ARHGEF33: variants seen among roughly 807,000 people sequenced by gnomAD.
The protein encoded by ARHGEF33 is DH and coiled-coil domain-containing protein ENSP00000381780.
In ARHGEF33, 72 loss-of-function variants were observed where a neutral mutation model predicts 101.9. The observed-to-expected ratio is 0.71, with a 90% confidence interval of 0.58 to 0.86. ARHGEF33 has a LOEUF of 0.86. ARHGEF33 is among the 40% of genes least tolerant of loss of function. The probability of loss-of-function intolerance (pLI) is 0.00; values close to 1 mark genes in which losing one functional copy is unlikely to be tolerated. For synonymous variants in ARHGEF33, 499 were observed against 442.5 expected, an observed-to-expected ratio of 1.13 and a Z score of -1.60; for missense variants, 1,169 against 1,111.3, an observed-to-expected ratio of 1.05 and a Z score of -0.74.
rs1194353045 is a variant in ARHGEF33 at position 38,917,136 on chromosome 2, G to A, written c.-85-2227G>A. ...AGACGGAGTCTCACTACGTCACCTA[G>A]GCTGGAGTGTAGTGGTGTGATCTCA... On this transcript the variant is annotated intron_variant, in intron 2 of 17. Coordinates refer to ENST00000409978, the MANE Select transcript of ARHGEF33 (RefSeq NM_001145451.5). Among the ~76,000 whole-genome samples, 5 of 121,020 alleles carry A rather than the reference G, an allele frequency of 4.1e-5. No homozygotes were observed. In the East Asian group the frequency reaches 1.3e-3, roughly 32 times the overall value. 79.4% of individuals were successfully genotyped at this position (121,020 alleles called of 152,430 possible).
In ARHGEF33 at chr2:38,960,839, G is replaced by C. The variant is rs543428671; in HGVS notation, c.2343+191G>C. ...CCCCGCGCCCTGCGAGCTGTAGGCT[G>C]CTGGGCCCTGGAAGGCGAGTGGCAG... On this transcript the variant is annotated intron_variant, in intron 16 of 17. Transcript: ENST00000409978. Among the ~76,000 whole-genome samples the C allele has an allele frequency of 6.6e-5, 10 of 152,292 alleles. 1 individual carries two copies. The South Asian group carries it at 1.9e-3, about 28-fold the overall frequency.
intron 14 of ARHGEF33, among the ~76,000 whole-genome samples, chr2:38,957,265 G>A (rs1179032890): frequency 6.6e-6 from 1 of 152,164 alleles, no homozygotes; most frequent in Non-Finnish European, 1.5e-5. Context: ...TCACTCTACT[G>A]CTTACATAGA....
Position 38,960,633 on chromosome 2 carries a change from T to G in ARHGEF33, c.2328T>G (p.Tyr776Ter). 3 of 1,409,570 alleles carry G rather than the reference T, an allele frequency of 2.1e-6. No homozygotes were observed. The highest frequency in any genetic ancestry group is 3.8e-5 in the East Asian group (1 of 26,314). The allele number at this position is 1,409,570 out of a possible 1,614,324, so 87.3% of individuals were successfully genotyped here. ...GGTCCCAAAGCGAAAAACAGACCTA[T>G]TTGGAAGTAAGGAGGGTAAAGTAAA... is the stretch of plus-strand genomic sequence containing the variant. ...QQRSQSEKQT[Y>*]LEVRREMHLE... The change falls in exon 16 of 18, where the codon TAT becomes TAG. Residue 776 changes from tyrosine to a stop codon, truncating the protein, a stop_gained. Transcript: ENST00000409978. LOFTEE classifies it high-confidence loss of function.
At chr2:38,919,662 G>T (rs1477090852) in intron 3 of ARHGEF33, among the ~76,000 whole-genome samples, 190 bp downstream of exon 3, 1 of 152,208 alleles carries the variant, frequency 6.6e-6, no homozygotes, top group South Asian at 2.1e-4. Flanking sequence ...TTTGGTCTGT[G>T]TTGTTACTTT....
chr2:38,922,170 T>C (rs1359638669), intron 4 of ARHGEF33, among the ~76,000 whole-genome samples: 3 of 152,132 alleles, frequency 2.0e-5, no homozygotes, highest in African/African-American at 7.2e-5. Context: ...TAATTTGTAA[T>C]ATAAAAGCAG....
intron 7 of ARHGEF33, among the ~76,000 whole-genome samples, chr2:38,935,232 G>A (rs1667102453): frequency 6.6e-6 from 1 of 151,994 alleles, no homozygotes; most frequent in Admixed American, 6.6e-5. Flanking sequence ...TCAGGCTGGA[G>A]TGCAGTGTCA....
chr2:38,958,284 C>A lies in ARHGEF33; in HGVS notation c.1535+86C>A, dbSNP rs953771119. 8 of 1,472,022 alleles carry A rather than the reference C, an allele frequency of 5.4e-6. No homozygotes were observed. In the African/African-American group the frequency reaches 9.8e-5, roughly 18 times the overall value. 91.2% of individuals were successfully genotyped at this position (1,472,022 alleles called of 1,614,324 possible). ...GCGGGTTAGCAGGGCAGCCTAGATT[C>A]CTCCATCCCCTTTCCCCATCAGGCC... On this transcript the variant is annotated intron_variant, in intron 15 of 17. Transcript: ENST00000409978.
intron 1 of ARHGEF33, 113 bp downstream of exon 1, chr2:38,890,099 T>G: frequency 4.7e-6 from 1 of 212,940 alleles, no homozygotes. Flanking sequence ...ATCCAATATA[T>G]GCTAACATTT....
chr2:38,893,444 A>G (rs903287500), intron 1 of ARHGEF33, among the ~76,000 whole-genome samples: 2 of 152,100 alleles, frequency 1.3e-5, no homozygotes, highest in Non-Finnish European at 2.9e-5. Flanking sequence ...ACAGGTGTGA[A>G]CCACTGTGCC....
intron 4 of ARHGEF33, among the ~76,000 whole-genome samples, chr2:38,924,592 G>C (rs1572750761): frequency 6.6e-6 from 1 of 152,158 alleles, no homozygotes; most frequent in Admixed American, 6.6e-5. Context: ...TGTAAACAGT[G>C]TGGCTTCTTG....
chr2:38,922,637 T>G lies in ARHGEF33; in HGVS notation c.75+1214T>G, dbSNP rs145441028. ...AGTTACTATGTGTAAAGTCTACTGC[T>G]TGGCCTCATGGCAGATTAAACAGAT... On this transcript the variant is annotated intron_variant, in intron 4 of 17. Coordinates refer to ENST00000409978, the MANE Select transcript of ARHGEF33 (RefSeq NM_001145451.5). Among the ~76,000 whole-genome samples, 12 of 152,340 alleles carry G rather than the reference T, an allele frequency of 7.9e-5. No individual in the cohort carries two copies. The East Asian group carries it at 2.3e-3, about 29-fold the overall frequency.
Position 38,942,010 on chromosome 2 carries a change from T to A in ARHGEF33, c.791-1891T>A, listed in dbSNP as rs1198584758. Among the ~76,000 whole-genome samples, 3 of 148,940 alleles carry A rather than the reference T, an allele frequency of 2.0e-5. No homozygotes were observed. In the South Asian group the frequency reaches 6.3e-4, roughly 31 times the overall value. On this transcript the variant is annotated intron_variant, in intron 9 of 17. Transcript: ENST00000409978. Reference sequence around the variant, plus strand: ...CTGGAAATACATGTCTTGGGATTTTTTTTTTTTTTGCCTGTTATTAATTTG... The same window carrying A: ...CTGGAAATACATGTCTTGGGATTTTATTTTTTTTTGCCTGTTATTAATTTG...
chr2:38,959,912 C>T lies in ARHGEF33; in HGVS notation c.1607C>T (p.Pro536Leu). 2 of 1,551,906 alleles carry T rather than the reference C, an allele frequency of 1.3e-6. No individual in the cohort carries two copies. The highest frequency in any genetic ancestry group is 2.7e-5 in the African/African-American group (2 of 73,180). ...SLMESMQPGK[P>L]SDWELEGRKH... ...ATGGAGAGCATGCAGCCCGGGAAGC[C>T]CAGTGACTGGGAGCTGGAGGGCAGG... is the stretch of plus-strand genomic sequence containing the variant. Residue 536 changes from proline to leucine, a missense_variant, in exon 16 of 18, where the codon CCC (proline) becomes CTC (leucine). Physicochemically the swap from Pro to Leu is moderately conservative, Grantham distance 98. Coordinates refer to ENST00000409978, the MANE Select transcript of ARHGEF33 (RefSeq NM_001145451.5).
chr2:38,948,215 T>C (rs1667500966), intron 10 of ARHGEF33, among the ~76,000 whole-genome samples: 1 of 152,334 alleles, frequency 6.6e-6, no homozygotes, highest in South Asian at 2.1e-4. Context: ...TTGCCATCTT[T>C]CTCCCTTTGC....
At chr2:38,908,662 A>G (rs766557221) in intron 2 of ARHGEF33, among the ~76,000 whole-genome samples, 4 of 152,140 alleles carry the variant, frequency 2.6e-5, no homozygotes, top group Non-Finnish European at 5.9e-5. Flanking sequence ...GAGCTATGGA[A>G]TTACCTATTC....
In ARHGEF33 at chr2:38,929,809, A is replaced by G; in HGVS notation, c.341A>G (p.Glu114Gly). Residue 114 changes from glutamate to glycine, a missense_variant, in exon 6 of 18, where the codon GAA (glutamate) becomes GGA (glycine). By Grantham distance (98) the Glu-to-Gly change is moderately conservative. Coordinates refer to ENST00000409978, the MANE Select transcript of ARHGEF33 (RefSeq NM_001145451.5). ...CAGCTTCAACAGGAGAAGCGAAGAG[A>G]ATCTCGAAAAGTTAAAGCCAAGTGA... Reference protein sequence around the residue: ...IEQLQQEKRRESRKVKAKKTQ... With the variant: ...IEQLQQEKRRGSRKVKAKKTQ... 6.4e-7 allele frequency: 1 copy of G among 1,551,566 alleles called. No homozygotes were observed.
At chr2:38,911,662 T>C (rs1666512634) in intron 2 of ARHGEF33, among the ~76,000 whole-genome samples, 1 of 152,232 alleles carries the variant, frequency 6.6e-6, no homozygotes, top group Non-Finnish European at 1.5e-5. Context: ...CTTATTTCTC[T>C]ATATCAATAA....
At chr2:38,946,254 T>G (rs957177251) in intron 10 of ARHGEF33, among the ~76,000 whole-genome samples, 1 of 152,164 alleles carries the variant, frequency 6.6e-6, no homozygotes, top group African/African-American at 2.4e-5. Context: ...CCACTTCCTA[T>G]TTTTCTAAAT....
intron 4 of ARHGEF33, among the ~76,000 whole-genome samples, chr2:38,923,273 C>T (rs192898762): frequency 3.0e-3 from 462 of 152,156 alleles, no homozygotes; most frequent in Non-Finnish European, 5.3e-3. Flanking sequence ...TCCTAAGCCC[C>T]AGTCTGTTTA....
Sources: gnomAD v4.1 joint callset for allele counts (sites outside exome capture counted in the v4.1 genomes callset) on GRCh38, gnomAD v4.1.1 for gene constraint, MANE v1.5 for transcripts, NCBI Gene and HGNC (gene_info 2026-07-23, HGNC 2026-07-21) for gene names.